FIGN: variants seen among roughly 807,000 people sequenced by gnomAD.
FIGN encodes the protein fidgetin.
A neutral mutation model predicts 51.3 loss-of-function variants in FIGN; 11 were observed. The ratio of observed to expected loss-of-function variants is 0.21; its 90% confidence interval spans 0.13 to 0.35. The LOEUF is 0.35. FIGN is among the 10% of genes least tolerant of loss of function. The pLI is 1.00. For synonymous variants in FIGN, 407 were observed against 363.2 expected (o/e 1.12, Z -1.37); for missense variants, 857 against 943.6 (o/e 0.91, Z 1.20).
At chr2:163,734,651 C>T (rs1017404198) in intron 2 of FIGN, among the ~76,000 whole-genome samples, 19 of 149,166 alleles carry the variant, frequency 1.3e-4, no homozygotes, top group African/African-American at 3.0e-4. Context: ...TTACTAGTAA[C>T]GTGCAACTTC....
At chr2:163,657,349 C>T (rs1683577340) in intron 2 of FIGN, among the ~76,000 whole-genome samples, 1 of 152,096 alleles carries the variant, frequency 6.6e-6, no homozygotes, top group Non-Finnish European at 1.5e-5. Flanking sequence ...ACAATAGGTT[C>T]TCTAATGGTA....
chr2:163,690,348 T>G (rs1358032144), intron 2 of FIGN, among the ~76,000 whole-genome samples: 1 of 152,078 alleles, frequency 6.6e-6, no homozygotes, highest in Non-Finnish European at 1.5e-5. Context: ...TCAAATAAAG[T>G]ATCGGTATAC....
chr2:163,731,975 C>T (rs1389816503), intron 2 of FIGN, among the ~76,000 whole-genome samples: 1 of 151,864 alleles, frequency 6.6e-6, no homozygotes, highest in African/African-American at 2.4e-5. Flanking sequence ...CATGAAATAA[C>T]AAGTTGCCTC....
At chr2:163,699,349 A>G (rs780030958) in intron 2 of FIGN, among the ~76,000 whole-genome samples, 45 of 152,122 alleles carry the variant, frequency 3.0e-4, no homozygotes, top group Non-Finnish European at 5.7e-4. Context: ...TTTTATACTG[A>G]TTTTTCTTAA....
chr2:163,687,889 A>C (rs1190399347), intron 2 of FIGN, among the ~76,000 whole-genome samples: 2 of 152,192 alleles, frequency 1.3e-5, no homozygotes, highest in African/African-American at 2.4e-5. Context: ...TCCTAAACAA[A>C]GGACCACAAA....
rs913608234 is a variant in FIGN, at chr2:163,604,259, G to C, written c.*5293C>G. On this transcript the variant is annotated 3_prime_UTR_variant, in exon 3 of 3. Coordinates refer to ENST00000333129, the MANE Select transcript of FIGN (RefSeq NM_018086.4). ...TGTTGTTTGAATTTGTTTGTCTTAA[G>C]TAGCCAGATTGCCAGTGTAAAATAC... The C allele has an allele frequency of 1.3e-5, 2 of 152,098 alleles. No homozygotes were observed. 9.4% of individuals were successfully genotyped at this position (152,098 alleles called of 1,614,324 possible).
intron 2 of FIGN, among the ~76,000 whole-genome samples, chr2:163,696,214 A>G (rs1684316536): frequency 6.6e-6 from 1 of 152,200 alleles, no homozygotes; most frequent in Admixed American, 6.5e-5. Context: ...TGTTAATGGT[A>G]ACAATAGTTT....
At chr2:163,632,043 GAGGCTA>G (rs1683153396) in intron 2 of FIGN, among the ~76,000 whole-genome samples, 1 of 152,136 alleles carries the variant, frequency 6.6e-6, no homozygotes, top group African/African-American at 2.4e-5. Context: ...AGCTACTTGG[GAGGCTA>G]AGGCAGGAGA....
chr2:163,734,828 C>G, intron 2 of FIGN, 75 bp downstream of exon 2: 1 of 1,421,588 alleles, frequency 7.0e-7, no homozygotes, highest in Non-Finnish European at 9.7e-7. Context: ...AGGCAGTCTT[C>G]AATGGTTTTA....
intron 2 of FIGN, among the ~76,000 whole-genome samples, chr2:163,693,700 G>C (rs1044343000): frequency 7.9e-5 from 12 of 152,072 alleles, no homozygotes; most frequent in African/African-American, 2.9e-4. Flanking sequence ...ATATGTGCTA[G>C]GGAATACTAG....
At chr2:163,638,616 G>A (rs1035548097) in intron 2 of FIGN, among the ~76,000 whole-genome samples, 1 of 152,110 alleles carries the variant, frequency 6.6e-6, no homozygotes, top group African/African-American at 2.4e-5. Flanking sequence ...CATTTGTTTG[G>A]AAGATGAACA....
chr2:163,695,978 G>A (rs1426442539), intron 2 of FIGN, among the ~76,000 whole-genome samples: 1 of 152,168 alleles, frequency 6.6e-6, no homozygotes, highest in Non-Finnish European at 1.5e-5. Flanking sequence ...GGGCATGGTG[G>A]CATGTGCCCA....
intron 2 of FIGN, among the ~76,000 whole-genome samples, chr2:163,681,479 G>T (rs1199476224): frequency 1.3e-5 from 2 of 152,116 alleles, no homozygotes; most frequent in Non-Finnish European, 2.9e-5. Flanking sequence ...GAGAGGCTGA[G>T]GCAGGAGGAT....
At chr2:163,645,960 A>G (rs1369007630) in intron 2 of FIGN, among the ~76,000 whole-genome samples, 1 of 152,214 alleles carries the variant, frequency 6.6e-6, no homozygotes, top group Non-Finnish European at 1.5e-5. Flanking sequence ...AACCTGGACT[A>G]TATTTGCATA....
intron 2 of FIGN, among the ~76,000 whole-genome samples, chr2:163,640,965 T>C (rs911689566): frequency 6.6e-6 from 1 of 152,174 alleles, no homozygotes; most frequent in African/African-American, 2.4e-5. Context: ...CTCAGTGGGC[T>C]GGAAACCCAC....
chr2:163,694,960 C>A (rs1684293782), intron 2 of FIGN, among the ~76,000 whole-genome samples: 1 of 152,010 alleles, frequency 6.6e-6, no homozygotes, highest in Non-Finnish European at 1.5e-5. Flanking sequence ...GCTGTTCTGA[C>A]CTCTCTATTT....
intron 2 of FIGN, among the ~76,000 whole-genome samples, chr2:163,695,394 C>A (rs936613473): frequency 6.6e-6 from 1 of 152,158 alleles, no homozygotes; most frequent in Non-Finnish European, 1.5e-5. Context: ...CACTTCCTCC[C>A]TTCCTCTCCC....
chr2:163,647,213 T>A (rs1394871452), intron 2 of FIGN, among the ~76,000 whole-genome samples: 2 of 152,292 alleles, frequency 1.3e-5, no homozygotes, highest in East Asian at 3.9e-4. Context: ...GTCAGAAAAG[T>A]ATGCCCCAGT....
At chr2:163,728,510 T>C (rs1035466766) in intron 2 of FIGN, among the ~76,000 whole-genome samples, 1 of 151,606 alleles carries the variant, frequency 6.6e-6, no homozygotes, top group Non-Finnish European at 1.5e-5. Flanking sequence ...CAGGGCAAGA[T>C]GAGACAAAAG....
Sources: gnomAD v4.1 joint callset for allele counts (sites outside exome capture counted in the v4.1 genomes callset) on GRCh38, gnomAD v4.1.1 for gene constraint, MANE v1.5 for transcripts, NCBI Gene and HGNC (gene_info 2026-07-23, HGNC 2026-07-21) for gene names.